The following DENND3 variants were observed in gnomAD, a reference collection of about 807,000 sequenced individuals.
DENND3 encodes DENN domain-containing protein 3.
In DENND3, 88 loss-of-function variants were observed where a neutral mutation model predicts 135.1. That is an observed-to-expected ratio of 0.65 (90% confidence interval 0.55 to 0.78). The LOEUF (loss-of-function observed/expected upper bound fraction) is 0.78, where lower values mean the gene tolerates loss of function less well. DENND3 is among the 30% of genes least tolerant of loss of function. The probability of loss-of-function intolerance (pLI) is 0.00; values close to 1 mark genes in which losing one functional copy is unlikely to be tolerated. For synonymous variants in DENND3, 693 were observed against 712.3 expected, an observed-to-expected ratio of 0.97 and a Z score of 0.43; for missense variants, 1,392 against 1,688.4, an observed-to-expected ratio of 0.82 and a Z score of 3.08.
intron 13 of DENND3, among the ~76,000 whole-genome samples, chr8:141,171,687 CAGT>C (rs1424531966): frequency 6.6e-6 from 1 of 152,208 alleles, no homozygotes; most frequent in East Asian, 1.9e-4. Context: ...CAGATGTGCA[CAGT>C]GGTCATAAGT....
At chr8:141,133,270 C>T (rs1195075067) in intron 1 of DENND3, among the ~76,000 whole-genome samples, 1 of 152,112 alleles carries the variant, frequency 6.6e-6, no homozygotes, top group East Asian at 1.9e-4. Flanking sequence ...TTGGGGGCAT[C>T]CTGGCTTAGG....
chr8:141,140,234 G>A (rs1817284939), intron 3 of DENND3, among the ~76,000 whole-genome samples: 1 of 152,086 alleles, frequency 6.6e-6, no homozygotes, highest in Non-Finnish European at 1.5e-5. Context: ...CACAGCCCCA[G>A]CCCCTCTCAT....
chr8:141,145,478 G>C (rs1162793785), intron 5 of DENND3, among the ~76,000 whole-genome samples: 1 of 152,132 alleles, frequency 6.6e-6, no homozygotes, highest in Non-Finnish European at 1.5e-5. Context: ...CTAGGCCACG[G>C]TCACTCAGAA....
rs1678268380 is a variant in DENND3 at position 141,175,525 on chromosome 8, G to A, written c.2535+66G>A. On this transcript the variant is annotated intron_variant, in intron 14 of 22. Coordinates refer to ENST00000519811, the MANE Select transcript of DENND3 (RefSeq NM_001352890.3). The surrounding 1 kb of genome is among the most constrained non-coding windows in gnomAD (Gnocchi z 5.4). ...GTTTAGGAGACAGATGGCTGGAGTG[G>A]GCCCTGAGCAGTCTGCCAGCCATGC... The A allele has an allele frequency of 6.2e-7, 1 of 1,610,822 alleles. No individual in the cohort carries two copies. The highest frequency in any genetic ancestry group is 1.1e-5 in the South Asian group (1 of 90,394).
rs561392014 is a variant in DENND3, at chr8:141,168,016, C to A, written c.1766C>A (p.Thr589Lys). ...CTGAATGTTTTAGTTCTGAATGTCACGCCGAAGTCCCCGTATACATTCAAG... is the reference window on the plus strand; with the variant it reads ...CTGAATGTTTTAGTTCTGAATGTCAAGCCGAAGTCCCCGTATACATTCAAG... ...CRGSSAVLNV[T>K]PKSPYTFKIP... is the part of the protein sequence containing the mutation. The change falls in exon 13 of 23, where the codon ACG becomes AAG. Residue 589 changes from threonine (T) to lysine (K), a missense_variant. Coordinates refer to ENST00000519811, the MANE Select transcript of DENND3 (RefSeq NM_001352890.3). The surrounding 1 kb of genome is among the most constrained non-coding windows in gnomAD (Gnocchi z 6.2). 17 of 1,608,384 alleles carry A rather than the reference C, an allele frequency of 1.1e-5. No homozygotes were observed. The highest frequency in any genetic ancestry group is 1.4e-5 in the Non-Finnish European group (17 of 1,175,892).
intron 1 of DENND3, among the ~76,000 whole-genome samples, chr8:141,134,868 T>C (rs1816585446): frequency 6.6e-6 from 1 of 152,180 alleles, no homozygotes; most frequent in African/African-American, 2.4e-5. Context: ...TCTTGCTCTG[T>C]CGCGCAGGCT....
chr8:141,187,882 G>A (rs938865689), intron 18 of DENND3, among the ~76,000 whole-genome samples: 13 of 152,118 alleles, frequency 8.5e-5, no homozygotes, highest in Admixed American at 2.6e-4. Context: ...TTTTCAGTTC[G>A]TTCTTAGTTA....
rs991451044 is a variant in DENND3, at chr8:141,184,765, CCCTCCCTCCCTG to C, written c.2945-362_2945-351del. ...GCCCCTGCCGCCGTCTCTCCAGCTG[CCCTCCCTCCCTG>C]CCTCCCTCCCTCTGTGTCCACCTGC... On this transcript the variant is annotated intron_variant, in intron 17 of 22. Coordinates refer to ENST00000519811, the MANE Select transcript of DENND3 (RefSeq NM_001352890.3). 7.6e-5 allele frequency: 14 copies of C among 184,036 alleles called. No homozygotes were observed. The South Asian group carries it at 1.6e-3, about 21-fold the overall frequency. 11.4% of individuals were successfully genotyped at this position (184,036 alleles called of 1,614,324 possible). A position where few individuals can be genotyped will look rare whatever the true frequency, so the allele number is the denominator to read the frequency against.
Position 141,168,780 on chromosome 8 carries a change from G to A in DENND3, c.2275+255G>A, listed in dbSNP as rs527491241. On this transcript the variant is annotated intron_variant, in intron 13 of 22. Transcript: ENST00000519811. This position sits in a 1 kb window ranked among gnomAD's most constrained non-coding sequence, Gnocchi z 6.2. ...TGCCCAGGCTGGTCTCGAACTCCTG[G>A]GCTCAAGTGATCCACCCACCTCGGC... is the stretch of plus-strand genomic sequence containing the variant. Among the ~76,000 whole-genome samples, 43 of 150,162 alleles carry A rather than the reference G, an allele frequency of 2.9e-4. No homozygotes were observed. Among genetic ancestry groups the A allele is most frequent in the Middle Eastern group, 3.7e-3 (1 of 270 alleles).
chr8:141,192,046 A>G (rs1824830262), intron 20 of DENND3: 1 of 340,806 alleles, frequency 2.9e-6, no homozygotes, highest in Admixed American at 4.3e-5. Context: ...ATTCTTTAAG[A>G]TTTTTGCTTA....
rs1466244137 is a variant in DENND3 at position 141,155,650 on chromosome 8, G to C, written c.1075-199G>C. On this transcript the variant is annotated intron_variant, in intron 7 of 22. Transcript: ENST00000519811. ...TCAAACTCCTGGGCTCAAGCAGTCT[G>C]CCTGCCTTGACCTCTCAAAGTGCTG... 2.0e-5 allele frequency among the ~76,000 whole-genome samples: 3 copies of C among 152,094 alleles called. No homozygotes were observed. In the East Asian group the frequency reaches 5.8e-4, roughly 29 times the overall value.
chr8:141,136,568 C>T lies in DENND3; in HGVS notation c.162C>T (p.Ser54=). Residue 54 remains serine (S), a synonymous_variant, in exon 2 of 23, where the codon TCC becomes TCT. Transcript: ENST00000519811. ...CTCTTCTTGATCCAGAGGTCCTGTC[C>T]ATTTTCGTGCCTCCTTTTATCAGTA... ...LSALLDPEVL[S]IFVPPFISKE... 6.4e-7 allele frequency: 1 copy of T among 1,566,958 alleles called. No individual in the cohort carries two copies. Among genetic ancestry groups the T allele is most frequent in the Non-Finnish European group, 8.7e-7 (1 of 1,155,520 alleles).
chr8:141,157,811 G>A, intron 8 of DENND3: 1 of 975,812 alleles, frequency 1.0e-6, no homozygotes, highest in Non-Finnish European at 1.2e-6. Flanking sequence ...CCAGGCTGGG[G>A]TGCAGTGGCG....
chr8:141,160,924 T>C, intron 9 of DENND3, 137 bp downstream of exon 9: 1 of 1,122,460 alleles, frequency 8.9e-7, no homozygotes, highest in Non-Finnish European at 1.2e-6. Flanking sequence ...CCCCGCCCCC[T>C]GCCAAAGCTT....
intron 15 of DENND3, chr8:141,177,573 G>C: frequency 6.5e-6 from 1 of 152,980 alleles, no homozygotes; most frequent in South Asian, 2.1e-4. Context: ...GGGCAGAGGG[G>C]GACTGGGTCC....
In DENND3 at chr8:141,160,692, C is replaced by A. The variant is rs1448600479; in HGVS notation, c.1257C>A (p.Asp419Glu). Residue 419 changes from aspartate to glutamate, a missense_variant, in exon 9 of 23, where the codon GAC becomes GAA. Coordinates refer to ENST00000519811, the MANE Select transcript of DENND3 (RefSeq NM_001352890.3). ...LHAAHLLSST[D>E]LKEGRAHRRS... ...CCGCCCACCTCCTCTCCAGCACAGA[C>A]CTGAAGGAGGGCCGAGCCCACCGGC... 2 of 1,613,346 alleles carry A rather than the reference C, an allele frequency of 1.2e-6. No individual in the cohort carries two copies. Among genetic ancestry groups the A allele is most frequent in the Non-Finnish European group, 1.7e-6 (2 of 1,179,904 alleles).
Position 141,192,506 on chromosome 8 carries a change from C to T in DENND3, c.3499-20C>T, listed in dbSNP as rs951796435. 1 of 1,606,882 alleles carries T rather than the reference C, an allele frequency of 6.2e-7. No homozygotes were observed. The highest frequency in any genetic ancestry group is 1.3e-5 in the African/African-American group (1 of 74,822). Reference sequence around the variant, plus strand: ...TGCGTGGCCCGGGGCCCATAGCCCACACCGTGCCCTGCGTTTCAGGAGGAG... The same window carrying T: ...TGCGTGGCCCGGGGCCCATAGCCCATACCGTGCCCTGCGTTTCAGGAGGAG... On this transcript the variant is annotated intron_variant, in intron 21 of 22. Coordinates refer to ENST00000519811, the MANE Select transcript of DENND3 (RefSeq NM_001352890.3).
intron 7 of DENND3, among the ~76,000 whole-genome samples, chr8:141,153,238 C>T (rs542086644): frequency 5.2e-4 from 79 of 151,996 alleles, no homozygotes; most frequent in African/African-American, 1.8e-3. Context: ...GGACTACAGG[C>T]ATGTGCCACC....
At chr8:141,176,994 G>A (rs1822461119) in intron 15 of DENND3, 4 of 523,304 alleles carry the variant, frequency 7.6e-6, no homozygotes, top group Non-Finnish European at 1.0e-5. Context: ...AACGCAGGGC[G>A]GTCTGGGCAG....
Sources: gnomAD v4.1 joint callset for allele counts (sites outside exome capture counted in the v4.1 genomes callset) on GRCh38, gnomAD v4.1.1 for gene constraint, Gnocchi (gnomAD v3.1) non-coding constraint, MANE v1.5 for transcripts, NCBI Gene and HGNC (gene_info 2026-07-23, HGNC 2026-07-21) for gene names.